The following NRXN1 variants were observed in gnomAD, a reference collection of about 807,000 sequenced individuals.
NRXN1 encodes neurexin-1.
A neutral mutation model predicts 150.9 loss-of-function variants in NRXN1; 39 were observed. The observed-to-expected ratio is 0.26, with a 90% CI of 0.20 to 0.34. The LOEUF is 0.34. NRXN1 is among the 10% of genes least tolerant of loss of function. NRXN1 has a pLI of 1.00. For missense variants in NRXN1, 1,815 were observed against 1,949.9 expected, an observed-to-expected ratio of 0.93 and a Z score of 1.30; for synonymous variants, 924 against 757.0, an observed-to-expected ratio of 1.22 and a Z score of -3.62.
intron 8 of NRXN1, among the ~76,000 whole-genome samples, chr2:50,563,057 T>TA (rs990009555): frequency 1.7e-4 from 26 of 151,958 alleles, no homozygotes; most frequent in African/African-American, 5.3e-4. Context: ...TTCACTTCAA[T>TA]AAAAAAAAGC....
At chr2:50,750,185 T>G (rs970530168) in intron 5 of NRXN1, among the ~76,000 whole-genome samples, 2 of 152,010 alleles carry the variant, frequency 1.3e-5, no homozygotes, top group Non-Finnish European at 2.9e-5. Context: ...CAGGAGCCTA[T>G]ACTATTTTGA....
chr2:51,000,256 A>G (rs1344156641), intron 2 of NRXN1, among the ~76,000 whole-genome samples: 1 of 152,006 alleles, frequency 6.6e-6, no homozygotes, highest in Non-Finnish European at 1.5e-5. Context: ...TGAAATAGTA[A>G]CCGCCCTTAT....
At chr2:49,971,517 T>C (rs757463235) in intron 21 of NRXN1, among the ~76,000 whole-genome samples, 23 of 152,150 alleles carry the variant, frequency 1.5e-4, no homozygotes, top group Non-Finnish European at 3.4e-4. Flanking sequence ...GGAGAATGTG[T>C]CTCTTAGCCT....
chr2:50,038,108 A>G (rs545096940), intron 21 of NRXN1, among the ~76,000 whole-genome samples: 3 of 152,226 alleles, frequency 2.0e-5, no homozygotes, highest in Non-Finnish European at 4.4e-5. Context: ...AGGATAAAGA[A>G]ACAGTGAGAG....
At chr2:50,709,470 G>A (rs753658947) in intron 5 of NRXN1, among the ~76,000 whole-genome samples, 1 of 152,112 alleles carries the variant, frequency 6.6e-6, no homozygotes, top group African/African-American at 2.4e-5. Context: ...GAAGTAGCTT[G>A]TGAAGTTTGA....
intron 17 of NRXN1, among the ~76,000 whole-genome samples, chr2:50,247,917 G>T (rs984521294): frequency 6.6e-6 from 1 of 152,110 alleles, no homozygotes; most frequent in Non-Finnish European, 1.5e-5. Context: ...GAAGACACAA[G>T]AAGGCTCTTT....
chr2:50,081,836 A>G (rs1186926085), intron 19 of NRXN1, among the ~76,000 whole-genome samples: 1 of 152,186 alleles, frequency 6.6e-6, no homozygotes, highest in East Asian at 1.9e-4. Context: ...AGAGTGTTTG[A>G]GAAAGTATTA....
chr2:50,945,225 A>G (rs1690149469), intron 2 of NRXN1, among the ~76,000 whole-genome samples: 1 of 152,200 alleles, frequency 6.6e-6, no homozygotes, highest in Non-Finnish European at 1.5e-5. Flanking sequence ...CTGTAATTCC[A>G]GCAATTTGGG....
intron 17 of NRXN1, among the ~76,000 whole-genome samples, chr2:50,302,252 G>T (rs1356494866): frequency 6.6e-6 from 1 of 151,832 alleles, no homozygotes; most frequent in East Asian, 1.9e-4. Context: ...TTTCTTTTTT[G>T]CAGAGATTTA....
At chr2:50,549,357 C>A (rs190984921) in intron 9 of NRXN1, among the ~76,000 whole-genome samples, 5 of 152,162 alleles carry the variant, frequency 3.3e-5, no homozygotes, top group African/African-American at 1.2e-4. Flanking sequence ...GCTAGGCTAA[C>A]CTAATATGAG....
intron 19 of NRXN1, among the ~76,000 whole-genome samples, chr2:50,076,133 T>C (rs1024667978): frequency 6.6e-6 from 1 of 152,218 alleles, no homozygotes; most frequent in Non-Finnish European, 1.5e-5. Flanking sequence ...TTCTTAGTAA[T>C]GTCTTCATAG....
intron 5 of NRXN1, among the ~76,000 whole-genome samples, chr2:50,902,412 A>C (rs1415737336): frequency 6.6e-6 from 1 of 152,220 alleles, no homozygotes; most frequent in Non-Finnish European, 1.5e-5. Flanking sequence ...ATAAATATTA[A>C]TGTACTAGAT....
At chr2:50,524,529 A>G (rs531278877) in intron 12 of NRXN1, among the ~76,000 whole-genome samples, 3 of 151,388 alleles carry the variant, frequency 2.0e-5, no homozygotes, top group African/African-American at 7.2e-5. Flanking sequence ...ATAAAATAAA[A>G]TAAACGAAGT....
At chr2:50,032,008 G>T (rs532548579) in intron 21 of NRXN1, among the ~76,000 whole-genome samples, 2 of 151,934 alleles carry the variant, frequency 1.3e-5, no homozygotes, top group African/African-American at 4.8e-5. Context: ...ATCATTCTTT[G>T]TAACAGATGG....
chr2:50,955,476 C>T (rs1692132644), intron 2 of NRXN1, among the ~76,000 whole-genome samples: 1 of 152,164 alleles, frequency 6.6e-6, no homozygotes, highest in South Asian at 2.1e-4. Flanking sequence ...TAAAAAGTGA[C>T]ATTGAAAATA....
intron 8 of NRXN1, among the ~76,000 whole-genome samples, chr2:50,598,285 A>C (rs1049758068): frequency 1.6e-4 from 25 of 152,162 alleles, no homozygotes; most frequent in African/African-American, 6.0e-4. Flanking sequence ...CACAGCACAG[A>C]GGAGGGAAAC....
intron 18 of NRXN1, among the ~76,000 whole-genome samples, chr2:50,167,285 C>G (rs528191318): frequency 6.6e-6 from 1 of 152,120 alleles, no homozygotes; most frequent in Admixed American, 6.6e-5. Flanking sequence ...TTTAGTATAT[C>G]TCTAGGGAAT....
intron 5 of NRXN1, among the ~76,000 whole-genome samples, chr2:50,658,943 G>C (rs1223636055): frequency 6.6e-6 from 1 of 151,988 alleles, no homozygotes; most frequent in Non-Finnish European, 1.5e-5. Flanking sequence ...CTTTGGGTAG[G>C]CATAGGTATT....
intron 18 of NRXN1, among the ~76,000 whole-genome samples, chr2:50,175,607 AAT>A (rs36032143): frequency 0.012 from 1,801 of 148,774 alleles, 38 homozygotes; most frequent in African/African-American, 0.04. Flanking sequence ...CATTTATGCA[AAT>A]ATATATATAT....
Sources: gnomAD v4.1 joint callset for allele counts (sites outside exome capture counted in the v4.1 genomes callset) on GRCh38, gnomAD v4.1.1 for gene constraint, MANE v1.5 for transcripts, NCBI Gene and HGNC (gene_info 2026-07-23, HGNC 2026-07-21) for gene names.